CNTN5: variants seen among roughly 807,000 people sequenced by gnomAD.
CNTN5 encodes contactin 5.
A neutral mutation model predicts 129.1 loss-of-function variants in CNTN5; 77 were observed. The observed-to-expected ratio is 0.60, with a 90% CI of 0.50 to 0.72. The LOEUF is 0.72. Among genes scored for constraint, CNTN5 ranks in the 30% least tolerant of loss-of-function variants. The probability of loss-of-function intolerance (pLI) is 0.00; values close to 1 mark genes in which losing one functional copy is unlikely to be tolerated. For synonymous variants in CNTN5, 509 were observed against 465.6 expected, an observed-to-expected ratio of 1.09 and a Z score of -1.20; for missense variants, 1,478 against 1,328.8, an observed-to-expected ratio of 1.11 and a Z score of -1.75.
chr11:99,986,219 T>A (rs1352549296), intron 8 of CNTN5, among the ~76,000 whole-genome samples: 1 of 152,082 alleles, frequency 6.6e-6, no homozygotes, highest in African/African-American at 2.4e-5. Flanking sequence ...AGCTCTCAAC[T>A]CTCTATCCCA....
Position 100,240,777 on chromosome 11 carries a change from C to G in CNTN5, c.2006-14983C>G, listed in dbSNP as rs1377576396. Among the ~76,000 whole-genome samples the G allele has an allele frequency of 5.3e-5, 8 of 152,146 alleles. No individual in the cohort carries two copies. The East Asian group carries it at 1.5e-3, about 29-fold the overall frequency. ...GCCCTAGAGTTTACCCATATATTGT[C>G]AAGGTTGCACCTGTCTTAAAGAGAA... On this transcript the variant is annotated intron_variant, in intron 16 of 24. Transcript: ENST00000524871.
intron 2 of CNTN5, among the ~76,000 whole-genome samples, chr11:99,422,552 ATATATATATC>A: frequency 8.9e-6 from 1 of 112,022 alleles, no homozygotes; most frequent in African/African-American, 3.3e-5. Context: ...ATATATATAT[ATATATATATC>A]TGTATTTTAA....
chr11:100,158,257 G>T (rs930290827), intron 13 of CNTN5, among the ~76,000 whole-genome samples: 1 of 151,846 alleles, frequency 6.6e-6, no homozygotes, highest in Non-Finnish European at 1.5e-5. Context: ...GAAATGGAGA[G>T]TTGTTGGTCA....
chr11:100,241,714 G>C (rs1475589334), intron 16 of CNTN5, among the ~76,000 whole-genome samples: 1 of 152,004 alleles, frequency 6.6e-6, no homozygotes, highest in South Asian at 2.1e-4. Context: ...GGAAAGGATG[G>C]TTTAATTTTT....
intron 2 of CNTN5, among the ~76,000 whole-genome samples, chr11:99,461,681 C>G (rs1309956163): frequency 6.6e-6 from 1 of 152,064 alleles, no homozygotes; most frequent in African/African-American, 2.4e-5. Flanking sequence ...GTATTCTAAT[C>G]CTAGACGCAG....
intron 1 of CNTN5, among the ~76,000 whole-genome samples, chr11:99,071,232 T>C (rs1430076574): frequency 6.6e-6 from 1 of 152,090 alleles, no homozygotes; most frequent in Non-Finnish European, 1.5e-5. Flanking sequence ...TAAAAAGAGG[T>C]GTTTGAATTT....
At chr11:99,592,221 T>C (rs1325921660) in intron 3 of CNTN5, among the ~76,000 whole-genome samples, 1 of 152,200 alleles carries the variant, frequency 6.6e-6, no homozygotes, top group Non-Finnish European at 1.5e-5. Context: ...TTTCAAGATA[T>C]CTCTGGCTTT....
chr11:99,358,275 T>A (rs1388069164), intron 2 of CNTN5, among the ~76,000 whole-genome samples: 1 of 128,236 alleles, frequency 7.8e-6, no homozygotes, highest in African/African-American at 2.9e-5. Flanking sequence ...TTTTTTTTTT[T>A]AGTAGAGATG....
At chr11:99,168,332 G>C (rs1860977106) in intron 1 of CNTN5, among the ~76,000 whole-genome samples, 1 of 152,100 alleles carries the variant, frequency 6.6e-6, no homozygotes, top group Admixed American at 6.5e-5. Flanking sequence ...GGGAGGCCGA[G>C]GCCGGGGGGG....
chr11:99,818,084 T>A (rs1245702979), intron 3 of CNTN5, among the ~76,000 whole-genome samples: 4 of 152,182 alleles, frequency 2.6e-5, no homozygotes, highest in Non-Finnish European at 5.9e-5. Flanking sequence ...AAGTGTTATT[T>A]TCAAATCATA....
rs1864431631 is a variant in CNTN5, at chr11:99,051,636, A to G, written c.-210+30366A>G. ...CTGTGTATTGTAAGGAAACCATTAC[A>G]TAAGAAGTAAAATATTTGCTGAGAG... On this transcript the variant is annotated intron_variant, in intron 1 of 24. Coordinates refer to ENST00000524871, the MANE Select transcript of CNTN5 (RefSeq NM_014361.4). Among the ~76,000 whole-genome samples, 3 of 152,070 alleles carry G rather than the reference A, an allele frequency of 2.0e-5. No homozygotes were observed. The South Asian group carries it at 6.2e-4, about 32-fold the overall frequency.
chr11:100,119,940 A>G (rs899294714), intron 13 of CNTN5, among the ~76,000 whole-genome samples: 4 of 151,958 alleles, frequency 2.6e-5, no homozygotes, highest in Admixed American at 6.6e-5. Flanking sequence ...TCTTTACAAA[A>G]CAAAAATTAT....
chr11:99,360,239 G>C (rs1939011360), intron 2 of CNTN5, among the ~76,000 whole-genome samples: 1 of 152,088 alleles, frequency 6.6e-6, no homozygotes, highest in East Asian at 1.9e-4. Context: ...TCATGTAGCA[G>C]CTCTGACACA....
intron 2 of CNTN5, among the ~76,000 whole-genome samples, chr11:99,414,882 CA>C (rs1299446645): frequency 6.6e-6 from 1 of 152,100 alleles, no homozygotes; most frequent in Non-Finnish European, 1.5e-5. Context: ...TATAGTTTAA[CA>C]AGGAAGGAAA....
intron 2 of CNTN5, among the ~76,000 whole-genome samples, chr11:99,335,006 A>G (rs1866162310): frequency 6.6e-6 from 1 of 152,140 alleles, no homozygotes; most frequent in South Asian, 2.1e-4. Flanking sequence ...CATTCAGTGT[A>G]TTCCTCAGCA....
In CNTN5 at chr11:99,657,123, T is replaced by A. The variant is rs186440709; in HGVS notation, c.55+100854T>A. 2.3e-3 allele frequency among the ~76,000 whole-genome samples: 337 copies of A among 147,434 alleles called. 1 individual carries two copies. Among genetic ancestry groups the A allele is most frequent in the African/African-American group, 7.7e-3 (307 of 40,126 alleles). On this transcript the variant is annotated intron_variant, in intron 3 of 24. Transcript: ENST00000524871. ...AAGTACAGATAGCTTAATGAAAAAA[T>A]CGCAAACCTCCAACAAAATCTATAC...
At chr11:99,351,097 C>T (rs189429405) in intron 2 of CNTN5, among the ~76,000 whole-genome samples, 68 of 151,962 alleles carry the variant, frequency 4.5e-4, no homozygotes, top group African/African-American at 1.6e-3. Flanking sequence ...CAGCAAACCA[C>T]CATGGCACAT....
intron 2 of CNTN5, among the ~76,000 whole-genome samples, chr11:99,538,696 A>G (rs1298351495): frequency 6.6e-6 from 1 of 152,130 alleles, no homozygotes; most frequent in Non-Finnish European, 1.5e-5. Context: ...CTGTTTTAGA[A>G]CAGTGAGTAC....
chr11:99,523,580 AC>A (rs1164598369), intron 2 of CNTN5, among the ~76,000 whole-genome samples: 1 of 151,778 alleles, frequency 6.6e-6, no homozygotes, highest in Non-Finnish European at 1.5e-5. Flanking sequence ...ACAGAGGGAG[AC>A]CCCATCTCAA....
Sources: allele counts gnomAD v4.1 joint callset (sites outside exome capture counted in the v4.1 genomes callset), GRCh38; gene constraint gnomAD v4.1.1; transcripts MANE v1.5; gene names NCBI Gene and HGNC (gene_info 2026-07-23, HGNC 2026-07-21).